The following FANCM variants were observed in gnomAD, a reference collection of about 807,000 sequenced individuals.
The protein encoded by FANCM is FA complementation group M, also known as Fanconi anemia group M protein.
A neutral mutation model predicts 199.5 loss-of-function variants in FANCM; 140 were observed. The ratio of observed to expected loss-of-function variants is 0.70; its 90% CI spans 0.61 to 0.81. FANCM has a LOEUF of 0.81. FANCM is among the 30% of genes least tolerant of loss of function. The pLI is 0.00. For missense variants in FANCM, 2,410 were observed against 2,421.4 expected, an observed-to-expected ratio of 1.00 and a Z score of 0.10; for synonymous variants, 840 against 836.8, an observed-to-expected ratio of 1.00 and a Z score of -0.07.
Position 45,181,488 on chromosome 14 carries a change from T to C in FANCM, c.4281T>C (p.Val1427=), listed in dbSNP as rs972227888. 2 of 1,608,336 alleles carry C rather than the reference T, an allele frequency of 1.2e-6. No homozygotes were observed. The highest frequency in any genetic ancestry group is 2.7e-5 in the African/African-American group (2 of 74,786). The part of the protein sequence containing the change: ...SEDDEIFRRK[V]KRAKGNVLNS... The stretch of plus-strand genomic sequence containing the variant: ...ATGACGAGATTTTCCGAAGAAAAGT[T>C]AAAAGAGCAAAAGGAAATGTTTTAA... The change falls in exon 15 of 23, where the codon GTT becomes GTC. Residue 1427 remains valine, a synonymous_variant. Transcript: ENST00000267430.
At chr14:45,140,813 G>A (rs1885865498) in intron 3 of FANCM, 104 bp downstream of exon 3, 2 of 781,350 alleles carry the variant, frequency 2.6e-6, no homozygotes, top group South Asian at 2.8e-5. Context: ...GGTGGAGATG[G>A]GAGGATCACT....
At chr14:45,144,146 G>C (rs1224559062) in intron 3 of FANCM, among the ~76,000 whole-genome samples, 1 of 151,962 alleles carries the variant, frequency 6.6e-6, no homozygotes, top group Admixed American at 6.6e-5. Context: ...GGCTAATGGG[G>C]TATCCATCAC....
chr14:45,141,824 G>C (rs996725369), intron 3 of FANCM, among the ~76,000 whole-genome samples: 2 of 151,794 alleles, frequency 1.3e-5, no homozygotes, highest in African/African-American at 4.8e-5. Flanking sequence ...CCTGACCTCA[G>C]GTGATCTGCC....
chr14:45,191,278 A>G (rs1168261949), intron 20 of FANCM, among the ~76,000 whole-genome samples: 1 of 152,118 alleles, frequency 6.6e-6, no homozygotes, highest in Admixed American at 6.5e-5. Context: ...TTCTAGGTGG[A>G]TACAGTAGTG....
Position 45,175,825 on chromosome 14 carries a change from C to G in FANCM, c.3071C>G (p.Pro1024Arg). Reference sequence around the variant, plus strand: ...GCACTTGAGAATTTGCTTTTCTTACCCTGTGCAGAGCATTTACGAAGTGAT... The same window carrying G: ...GCACTTGAGAATTTGCTTTTCTTACGCTGTGCAGAGCATTTACGAAGTGAT... Reference protein sequence around the residue: ...GTALENLLFLPCAEHLRSDKC... With the variant: ...GTALENLLFLRCAEHLRSDKC... Residue 1024 changes from proline to arginine, a missense_variant, in exon 14 of 23, where the codon CCC (proline) becomes CGC (arginine). Pro to Arg is a moderately radical substitution (Grantham distance 103, BLOSUM62 -2). Transcript: ENST00000267430. 6.2e-7 allele frequency: 1 copy of G among 1,613,734 alleles called. No individual in the cohort carries two copies. Among genetic ancestry groups the G allele is most frequent in the Non-Finnish European group, 8.5e-7 (1 of 1,179,908 alleles).
At chr14:45,160,035 C>A (rs904506851) in intron 9 of FANCM, among the ~76,000 whole-genome samples, 1 of 129,380 alleles carries the variant, frequency 7.7e-6, no homozygotes, top group African/African-American at 2.9e-5. Flanking sequence ...GAATCTTACT[C>A]TGTTGCCCAG....
chr14:45,167,338 C>A (rs757115542), intron 11 of FANCM, 175 bp downstream of exon 11: 29 of 609,964 alleles, frequency 4.8e-5, no homozygotes, highest in Non-Finnish European at 7.6e-5. Flanking sequence ...TGGAGAGACA[C>A]TGGTAGTATA....
intron 20 of FANCM, among the ~76,000 whole-genome samples, chr14:45,193,386 T>A (rs1365351015): frequency 6.6e-6 from 1 of 152,084 alleles, no homozygotes; most frequent in Non-Finnish European, 1.5e-5. Context: ...CTCCTAGTGC[T>A]CCCTCCCACC....
intron 11 of FANCM, chr14:45,167,444 AT>A: frequency 2.7e-6 from 1 of 377,054 alleles, no homozygotes. Context: ...AAACAGTTTT[AT>A]TTTTTAATAA....
rs755947203 is a variant in FANCM, at chr14:45,183,888, C to T, written c.4501C>T (p.Gln1501Ter). ...AAGAGGCATCAAAGTCCCAAAGAGA[C>T]AGAGTCACTTAAAGGTAATCTTTTT... ...ARRGIKVPKR[Q>*]SHLKHVARKF... is the part of the protein sequence containing the mutation. Residue 1501 changes from glutamine (Q) to a stop codon, truncating the protein, a stop_gained, in exon 17 of 23, where the codon CAG (glutamine) becomes TAG (stop). Coordinates refer to ENST00000267430, the MANE Select transcript of FANCM (RefSeq NM_020937.4). LOFTEE classifies it high-confidence loss of function. 2.0e-5 allele frequency: 33 copies of T among 1,610,014 alleles called. No homozygotes were observed. Among genetic ancestry groups the T allele is most frequent in the Non-Finnish European group, 2.8e-5 (33 of 1,176,752 alleles).
At chr14:45,142,460 C>T (rs905400758) in intron 3 of FANCM, among the ~76,000 whole-genome samples, 8 of 152,040 alleles carry the variant, frequency 5.3e-5, no homozygotes, top group East Asian at 3.9e-4. Context: ...TCACCCGCCA[C>T]CATGCCCGGC....
At chr14:45,152,998 A>G (rs1197548360) in intron 5 of FANCM, among the ~76,000 whole-genome samples, 2 of 152,200 alleles carry the variant, frequency 1.3e-5, no homozygotes, top group Non-Finnish European at 2.9e-5. Flanking sequence ...TTAGGGTACC[A>G]TTTTAGGGCA....
At chr14:45,159,419 A>G (rs988709863) in intron 9 of FANCM, 139 bp downstream of exon 9, 6 of 622,154 alleles carry the variant, frequency 9.6e-6, no homozygotes, top group African/African-American at 1.9e-5. Flanking sequence ...AAAAATAAGC[A>G]TATTTTGAAA....
At chr14:45,164,722 G>A (rs573143568) in intron 10 of FANCM, among the ~76,000 whole-genome samples, 157 bp downstream of exon 10, 58 of 152,134 alleles carry the variant, frequency 3.8e-4, no homozygotes, top group Non-Finnish European at 7.4e-4. Flanking sequence ...TTGTAACTAG[G>A]AGAATTTTTG....
At position 45,148,922 on chromosome 14, in the gene FANCM, A is replaced by T; in HGVS notation, c.845A>T (p.His282Leu). 4 of 1,604,058 alleles carry T rather than the reference A, an allele frequency of 2.5e-6. No homozygotes were observed. The highest frequency in any genetic ancestry group is 3.4e-6 in the Non-Finnish European group (4 of 1,170,870). The change falls in exon 4 of 23, where the codon CAT becomes CTT. Residue 282 changes from histidine (H) to leucine (L), a missense_variant. Transcript: ENST00000267430. ...EDSPDILTYSHERKVEKLIVP... is the reference protein window; with the variant it reads ...EDSPDILTYSLERKVEKLIVP... ...TCTCCAGATATTTTGACATATTCTC[A>T]TGAAAGAAAAGTTGAAAAGCTTATT...
chr14:45,140,842 A>T (rs1241661033), intron 3 of FANCM, 133 bp downstream of exon 3: 1 of 700,424 alleles, frequency 1.4e-6, no homozygotes, highest in African/African-American at 1.8e-5. Context: ...GGAATTCCAG[A>T]CCAGCCTGGG....
At chr14:45,196,968 AATATAAGGGAAGCAACAG>A (rs2139322075) in intron 21 of FANCM, among the ~76,000 whole-genome samples, 1 of 152,314 alleles carries the variant, frequency 6.6e-6, no homozygotes, top group African/African-American at 2.4e-5. Context: ...TGCAATTATG[AATATAAGGGAAGCAACAG>A]ATATAAGGGA....
At chr14:45,198,445 G>A in intron 21 of FANCM, 199 bp from the exon 22 acceptor site, 1 of 448,860 alleles carries the variant, frequency 2.2e-6, no homozygotes, top group Non-Finnish European at 3.9e-6. Flanking sequence ...GTTGATTCCA[G>A]CTCAAGGCGC....
chr14:45,176,335 T>C lies in FANCM; in HGVS notation c.3581T>C (p.Ile1194Thr), dbSNP rs1888695237. Residue 1194 changes from isoleucine to threonine, a missense_variant, in exon 14 of 23, where the codon ATC (isoleucine) becomes ACC (threonine). Coordinates refer to ENST00000267430, the MANE Select transcript of FANCM (RefSeq NM_020937.4). ...AATAATTCTGAACTCCAAGATCAAA[T>C]CACCCGTGATGCTAATAGTTTTAAA... ...LDNNSELQDQITRDANSFKSR... is the reference protein window; with the variant it reads ...LDNNSELQDQTTRDANSFKSR... 6.2e-7 allele frequency: 1 copy of C among 1,613,760 alleles called. No homozygotes were observed. The highest frequency in any genetic ancestry group is 1.3e-5 in the African/African-American group (1 of 74,924).
Sources: allele counts gnomAD v4.1 joint callset (sites outside exome capture counted in the v4.1 genomes callset), GRCh38; gene constraint gnomAD v4.1.1; transcripts MANE v1.5; gene names NCBI Gene and HGNC (gene_info 2026-07-23, HGNC 2026-07-21).